The following MAGI1 variants were observed in gnomAD, a reference collection of about 807,000 sequenced individuals.
MAGI1 encodes the protein membrane-associated guanylate kinase, WW and PDZ domain-containing protein 1.
MAGI1 carries 58 observed loss-of-function variants against 139.9 expected under a neutral mutation model. The ratio of observed to expected loss-of-function variants is 0.41; its 90% confidence interval spans 0.34 to 0.52. The LOEUF (loss-of-function observed/expected upper bound fraction) is 0.52. MAGI1 is among the 20% of genes least tolerant of loss of function. MAGI1 has a pLI of 0.12. For missense variants in MAGI1, 1,874 were observed against 1,901.6 expected (o/e 0.99, Z 0.27); for synonymous variants, 812 against 737.9 (o/e 1.10, Z -1.63).
At chr3:65,689,497 A>T (rs1415110731) in intron 1 of MAGI1, among the ~76,000 whole-genome samples, 2 of 152,142 alleles carry the variant, frequency 1.3e-5, no homozygotes, top group Admixed American at 6.5e-5. Flanking sequence ...AACCACTCCA[A>T]TCTCCTAGTT....
At chr3:65,515,671 G>A (rs1342714274) in intron 2 of MAGI1, among the ~76,000 whole-genome samples, 1 of 152,168 alleles carries the variant, frequency 6.6e-6, no homozygotes, top group East Asian at 1.9e-4. Context: ...CAACAGTTAA[G>A]TATCCAAAGT....
At chr3:65,378,398 TAA>T (rs935044377) in intron 17 of MAGI1, among the ~76,000 whole-genome samples, 1 of 152,004 alleles carries the variant, frequency 6.6e-6, no homozygotes, top group Non-Finnish European at 1.5e-5. Flanking sequence ...TATTTAAAAT[TAA>T]AAAAAATTCC....
At position 65,651,285 on chromosome 3, in the gene MAGI1, TAAG is replaced by T. The variant is rs751346064; in HGVS notation, c.314-29200_314-29198del. On this transcript the variant is annotated intron_variant, in intron 1 of 22. Coordinates refer to ENST00000402939, the MANE Select transcript of MAGI1 (RefSeq NM_001033057.2). ...TGGTTTTAGCCAATTCAACCTCATA[TAAG>T]AAGAACAAAACAAAACATTGCTCCA... 2.6e-5 allele frequency among the ~76,000 whole-genome samples: 4 copies of T among 152,288 alleles called. No individual in the cohort carries two copies. The East Asian group carries it at 5.8e-4, about 22-fold the overall frequency.
chr3:65,570,110 ATT>A (rs2080885426), intron 2 of MAGI1, among the ~76,000 whole-genome samples: 1 of 124,148 alleles, frequency 8.1e-6, no homozygotes, highest in Non-Finnish European at 1.8e-5. Context: ...TATTATTATT[ATT>A]ATTATTCTGA....
chr3:65,729,075 A>T (rs939036836), intron 1 of MAGI1, among the ~76,000 whole-genome samples: 2 of 148,610 alleles, frequency 1.3e-5, no homozygotes, highest in African/African-American at 5.0e-5. Flanking sequence ...ATTATCCAAT[A>T]AAAACAAATC....
rs2107063622 is a variant in MAGI1, at chr3:65,621,963, A to G, written c.430+9T>C. 1 of 1,577,954 alleles carries G rather than the reference A, an allele frequency of 6.3e-7. No individual in the cohort carries two copies. The highest frequency in any genetic ancestry group is 8.7e-7 in the Non-Finnish European group (1 of 1,151,040). The stretch of plus-strand genomic sequence containing the variant: ...CACAGCAGTGAGATGCCAAAGTCCA[A>G]CTACTTACAAGGCACAGCATGGCGG... On this transcript the variant is annotated intron_variant, in intron 2 of 22. Transcript: ENST00000402939.
chr3:65,845,672 C>A (rs2058967989), intron 1 of MAGI1, among the ~76,000 whole-genome samples: 1 of 152,230 alleles, frequency 6.6e-6, no homozygotes, highest in Non-Finnish European at 1.5e-5. Flanking sequence ...TATGCCTTTG[C>A]ACTGCCAGAC....
At chr3:65,431,302 T>C (rs1205995224) in intron 10 of MAGI1, among the ~76,000 whole-genome samples, 1 of 152,168 alleles carries the variant, frequency 6.6e-6, no homozygotes, top group East Asian at 1.9e-4. Context: ...TGGGCCTGGC[T>C]TCCACTTGAA....
intron 1 of MAGI1, among the ~76,000 whole-genome samples, chr3:65,956,437 C>T (rs2064130983): frequency 6.6e-6 from 1 of 152,112 alleles, no homozygotes; most frequent in African/African-American, 2.4e-5. Context: ...CAAAATGGCC[C>T]CACCTTCAGT....
chr3:65,497,457 T>C (rs1429404019), intron 2 of MAGI1, among the ~76,000 whole-genome samples: 2 of 152,170 alleles, frequency 1.3e-5, no homozygotes. Flanking sequence ...GGAATTCCAG[T>C]GCAGTGCAAG....
intron 1 of MAGI1, among the ~76,000 whole-genome samples, chr3:65,923,532 A>T (rs1158513356): frequency 6.6e-6 from 1 of 151,960 alleles, no homozygotes; most frequent in Non-Finnish European, 1.5e-5. Context: ...GCCTCAATAA[A>T]CATCTTAAAT....
At chr3:65,997,413 T>G (rs2066505655) in intron 1 of MAGI1, among the ~76,000 whole-genome samples, 1 of 152,112 alleles carries the variant, frequency 6.6e-6, no homozygotes, top group Non-Finnish European at 1.5e-5. Context: ...TCCCAGCACT[T>G]TGGGAGGCTG....
At chr3:65,656,796 G>A (rs1381986893) in intron 1 of MAGI1, among the ~76,000 whole-genome samples, 2 of 151,796 alleles carry the variant, frequency 1.3e-5, no homozygotes, top group Non-Finnish European at 2.9e-5. Flanking sequence ...TCATGAGTTC[G>A]AGACCAGCTT....
chr3:65,527,451 C>A (rs754050795), intron 2 of MAGI1, among the ~76,000 whole-genome samples: 1 of 151,934 alleles, frequency 6.6e-6, no homozygotes, highest in African/African-American at 2.4e-5. Context: ...GTTGGCCGGG[C>A]GTGGTGGCTC....
intron 22 of MAGI1, chr3:65,359,014 G>A: frequency 6.6e-7 from 1 of 1,513,704 alleles, no homozygotes; most frequent in Non-Finnish European, 9.2e-7. Context: ...GAAGCAATGA[G>A]GAAATTAGGC....
chr3:65,997,901 GT>G (rs1321888921), intron 1 of MAGI1, among the ~76,000 whole-genome samples: 1 of 152,048 alleles, frequency 6.6e-6, no homozygotes, highest in Admixed American at 6.5e-5. Flanking sequence ...GCTCCTGCCT[GT>G]AATCCCAGCA....
At chr3:65,469,604 C>A (rs960994492) in intron 5 of MAGI1, 1 of 151,544 alleles carries the variant, frequency 6.6e-6, no homozygotes, top group Non-Finnish European at 1.5e-5. Flanking sequence ...TATTAACTTG[C>A]GCATTACAGA....
chr3:65,910,417 T>C (rs1316924931), intron 1 of MAGI1, among the ~76,000 whole-genome samples: 1 of 152,202 alleles, frequency 6.6e-6, no homozygotes, highest in African/African-American at 2.4e-5. Flanking sequence ...CAAATGCATA[T>C]TCCAGAGGAA....
At chr3:65,686,018 C>T (rs1385878936) in intron 1 of MAGI1, among the ~76,000 whole-genome samples, 1 of 152,062 alleles carries the variant, frequency 6.6e-6, no homozygotes, top group African/African-American at 2.4e-5. Flanking sequence ...ACTTTTTCCC[C>T]AATTGCTAGG....
Sources: allele counts gnomAD v4.1 joint callset (sites outside exome capture counted in the v4.1 genomes callset), GRCh38; gene constraint gnomAD v4.1.1; transcripts MANE v1.5; gene names NCBI Gene and HGNC (gene_info 2026-07-23, HGNC 2026-07-21).